The following INSC variants were observed in gnomAD, a reference collection of about 807,000 sequenced individuals.
INSC encodes the protein protein inscuteable homolog.
Under a neutral mutation model 58.6 loss-of-function variants are expected in INSC, and 67 were observed. That is an observed-to-expected ratio of 1.14 (90% CI 0.94 to 1.40). The LOEUF (loss-of-function observed/expected upper bound fraction) is 1.40. Among genes scored for constraint, INSC ranks in the 40% most tolerant of loss-of-function variants. INSC has a pLI of 0.00. For missense variants in INSC, 714 were observed against 692.0 expected, an observed-to-expected ratio of 1.03 and a Z score of -0.36; for synonymous variants, 262 against 276.1, an observed-to-expected ratio of 0.95 and a Z score of 0.51.
chr11:15,226,106 C>T (rs1165541859), intron 9 of INSC, among the ~76,000 whole-genome samples: 2 of 152,002 alleles, frequency 1.3e-5, no homozygotes, highest in Non-Finnish European at 2.9e-5. Context: ...AGCCTCCCTA[C>T]GAGATCTCCT....
At chr11:15,183,832 T>TA (rs1228060540) in intron 5 of INSC, among the ~76,000 whole-genome samples, 13 of 152,192 alleles carry the variant, frequency 8.5e-5, no homozygotes, top group South Asian at 2.1e-4. Context: ...TTTACATTTT[T>TA]AAAAAAATGT....
At chr11:15,191,678 A>G (rs1463817808) in intron 6 of INSC, among the ~76,000 whole-genome samples, 1 of 152,214 alleles carries the variant, frequency 6.6e-6, no homozygotes, top group Admixed American at 6.5e-5. Context: ...CCTATACCCC[A>G]TAATAATTAG....
chr11:15,162,359 C>T lies in INSC; in HGVS notation c.56+13129C>T, dbSNP rs143510758. Among the ~76,000 whole-genome samples, 6 of 152,246 alleles carry T rather than the reference C, an allele frequency of 3.9e-5. No individual in the cohort carries two copies. In the South Asian group the frequency reaches 6.2e-4, roughly 16 times the overall value. On this transcript the variant is annotated intron_variant, in intron 2 of 12. Coordinates refer to ENST00000379556, the MANE Select transcript of INSC (RefSeq NM_001042536.3). ...CAAGGCCTTTGCACTAGGCTCTGAC[C>T]GCCTGCAATGGTCAGTACCCATATT...
At chr11:15,188,561 C>G (rs926115970) in intron 5 of INSC, among the ~76,000 whole-genome samples, 3 of 152,158 alleles carry the variant, frequency 2.0e-5, no homozygotes, top group African/African-American at 7.2e-5. Context: ...TTCAGTGGAG[C>G]CTTTGATCTC....
chr11:15,175,601 G>A (rs1849542900), intron 2 of INSC, 140 bp from the exon 3 acceptor site: 2 of 546,462 alleles, frequency 3.7e-6, no homozygotes, highest in Non-Finnish European at 6.0e-6. Context: ...AGAAATGACT[G>A]AGAATATCAA....
intron 5 of INSC, among the ~76,000 whole-genome samples, chr11:15,184,809 AT>A (rs1299958226): frequency 1.3e-5 from 2 of 152,198 alleles, no homozygotes; most frequent in African/African-American, 4.8e-5. Context: ...TAGAGTGAGT[AT>A]TTTTCACAAA....
chr11:15,227,648 A>AC (rs1851692031), intron 9 of INSC, among the ~76,000 whole-genome samples: 1 of 151,854 alleles, frequency 6.6e-6, no homozygotes, highest in African/African-American at 2.4e-5. Context: ...TAAAGTGGTG[A>AC]CCCCCTGGTT....
intron 1 of INSC, among the ~76,000 whole-genome samples, chr11:15,118,080 C>T (rs935217143): frequency 6.6e-6 from 1 of 152,214 alleles, no homozygotes; most frequent in Non-Finnish European, 1.5e-5. Context: ...CTCTGTGTCT[C>T]TTGGATCTGA....
At position 15,221,615 on chromosome 11, in the gene INSC, G is replaced by A. The variant is rs1234110702; in HGVS notation, c.958G>A (p.Glu320Lys). Residue 320 changes from glutamate (E) to lysine (K), a missense_variant, in exon 8 of 13, where the codon GAG becomes AAG. Glu to Lys is a moderately conservative substitution (Grantham distance 56, BLOSUM62 1). Coordinates refer to ENST00000379556, the MANE Select transcript of INSC (RefSeq NM_001042536.3). ...PVTQHLSSFL[E>K]SMEEIVTALV... Reference sequence around the variant, plus strand: ...CACCCAGCACCTCAGTAGCTTCCTGGAGAGCATGGAGGAGATCGTGACAGC... The same window carrying A: ...CACCCAGCACCTCAGTAGCTTCCTGAAGAGCATGGAGGAGATCGTGACAGC... The A allele has an allele frequency of 3.7e-6, 6 of 1,613,708 alleles. No individual in the cohort carries two copies. In the East Asian group the frequency reaches 1.1e-4, roughly 30 times the overall value.
rs568546478 is a variant in INSC, at chr11:15,228,558, G to T, written c.1170+2730G>T. Among the ~76,000 whole-genome samples the T allele has an allele frequency of 3.5e-3, 540 of 152,334 alleles. 1 individual carries two copies. The highest frequency in any genetic ancestry group is 0.012 in the African/African-American group (513 of 41,576). On this transcript the variant is annotated intron_variant, in intron 9 of 12. Transcript: ENST00000379556. Reference sequence around the variant, plus strand: ...AAATGGCTCTTTCCTGTTGCAGTGGGAGGATTAAGGTGATCAGAGGGCTCT... The same window carrying T: ...AAATGGCTCTTTCCTGTTGCAGTGGTAGGATTAAGGTGATCAGAGGGCTCT...
At chr11:15,257,974 A>G in the INSC span, among the ~76,000 whole-genome samples, 1 of 152,268 alleles carries the variant, frequency 6.6e-6, no homozygotes, top group Non-Finnish European at 1.5e-5. Flanking sequence ...GAACTTCAAG[A>G]CAATGTCTAC....
the INSC span, among the ~76,000 whole-genome samples, chr11:15,253,515 A>G: frequency 6.6e-6 from 1 of 152,146 alleles, no homozygotes; most frequent in African/African-American, 2.4e-5. Flanking sequence ...CCACAAACTC[A>G]TAGTGTGGAA....
chr11:15,164,997 T>A (rs191836327), intron 2 of INSC, among the ~76,000 whole-genome samples: 32 of 152,312 alleles, frequency 2.1e-4, no homozygotes, highest in Admixed American at 1.1e-3. Context: ...TCCTTATAAA[T>A]TACCCAGGCT....
rs115408303 is a variant in INSC, at chr11:15,168,419, C to T, written c.57-7322C>T. Among the ~76,000 whole-genome samples the T allele has an allele frequency of 6.4e-3, 970 of 152,272 alleles. 11 individuals carry two copies. Among genetic ancestry groups the T allele is most frequent in the African/African-American group, 0.021 (873 of 41,538 alleles). The stretch of plus-strand genomic sequence containing the variant: ...TGCTGAAGATAATGGCTTCCATATC[C>T]ATCCATGTCCCTGCAAAGGACATGA... On this transcript the variant is annotated intron_variant, in intron 2 of 12. Coordinates refer to ENST00000379556, the MANE Select transcript of INSC (RefSeq NM_001042536.3).
intron 7 of INSC, among the ~76,000 whole-genome samples, chr11:15,209,346 T>C (rs1476638536): frequency 1.3e-5 from 2 of 152,226 alleles, no homozygotes; most frequent in Non-Finnish European, 2.9e-5. Flanking sequence ...CAATGCTCCA[T>C]AGATGTGAGT....
At chr11:15,131,591 G>C (rs543118650) in intron 1 of INSC, among the ~76,000 whole-genome samples, 1 of 152,194 alleles carries the variant, frequency 6.6e-6, no homozygotes, top group Non-Finnish European at 1.5e-5. Flanking sequence ...TTCAGGACTA[G>C]TTCATTTCTC....
chr11:15,252,872 AT>A, the INSC span, among the ~76,000 whole-genome samples: 1 of 152,164 alleles, frequency 6.6e-6, no homozygotes, highest in Non-Finnish European at 1.5e-5. Context: ...TGTTCTCCAA[AT>A]TCTTTCTAAA....
At chr11:15,113,119 C>CTCTTTCTTTCTTTCTT (rs746409775), upstream of INSC, among the ~76,000 whole-genome samples, 377 of 73,284 alleles carry the variant, frequency 5.1e-3, 22 homozygotes, top group East Asian at 0.025. Context: ...TTCTCTCTCT[C>CTCTTTCTTTCTTTCTT]TCTTTCTTTC....
At chr11:15,145,298 G>A (rs1848465762) in intron 1 of INSC, among the ~76,000 whole-genome samples, 1 of 152,178 alleles carries the variant, frequency 6.6e-6, no homozygotes, top group African/African-American at 2.4e-5. Flanking sequence ...TACTTATCAG[G>A]TCAGGATCTG....
Sources: gnomAD v4.1 joint callset for allele counts (sites outside exome capture counted in the v4.1 genomes callset) on GRCh38, gnomAD v4.1.1 for gene constraint, MANE v1.5 for transcripts, NCBI Gene and HGNC (gene_info 2026-07-23, HGNC 2026-07-21) for gene names.